Variants in NF2 observed in about 807,000 individuals in gnomAD.
The protein encoded by NF2 is NF2, moesin-ezrin-radixin like (MERLIN) tumor suppressor, also known as merlin.
NF2 carries 8 observed loss-of-function variants against 83.7 expected under a neutral mutation model. That is an observed-to-expected ratio of 0.10 (90% CI 0.06 to 0.17). The LOEUF is 0.17. Ranked by LOEUF, NF2 falls within the 10% of genes least tolerant of loss-of-function variation. The pLI, the probability that NF2 is intolerant of heterozygous loss-of-function variation, is 1.00. For synonymous variants in NF2, 266 were observed against 269.6 expected (o/e 0.99, Z 0.13); for missense variants, 533 against 744.4 (o/e 0.72, Z 3.31).
chr22:29,603,658 C>A lies in NF2; in HGVS notation c.-341C>A, dbSNP rs571842282. On this transcript the variant is annotated 5_prime_UTR_variant, in exon 1 of 16. Transcript: ENST00000338641. ...GTGACCCTAGTCGGCCGCTGAGAGG[C>A]GCGCGGAGTCTGGGCCGCTGCCGTC... is the stretch of plus-strand genomic sequence containing the variant. 18 of 408,834 alleles carry A rather than the reference C, an allele frequency of 4.4e-5. No individual in the cohort carries two copies. Among genetic ancestry groups the A allele is most frequent in the Non-Finnish European group, 7.7e-5 (18 of 232,390 alleles). The allele number at this position is 408,834 out of a possible 1,614,324, so 25.3% of individuals were successfully genotyped here.
intron 1 of NF2, among the ~76,000 whole-genome samples, chr22:29,608,600 C>T (rs544451061): frequency 2.0e-4 from 29 of 147,002 alleles, no homozygotes; most frequent in South Asian, 1.2e-3. Flanking sequence ...ACCCGGGAGG[C>T]GGAGGTTGTA....
chr22:29,611,806 A>G (rs1323716681), intron 1 of NF2, among the ~76,000 whole-genome samples: 5 of 152,248 alleles, frequency 3.3e-5, no homozygotes, highest in Non-Finnish European at 1.5e-5. Flanking sequence ...ATACAAGATC[A>G]TTACACAAAA....
chr22:29,655,569 T>A (rs766420867), intron 5 of NF2, 25 bp from the exon 6 acceptor site: 2 of 1,576,934 alleles, frequency 1.3e-6, no homozygotes, highest in Non-Finnish European at 1.7e-6. Context: ...GTGTAGGTTT[T>A]TTATTTTGCT....
At position 29,626,778 on chromosome 22, in the gene NF2, T is replaced by C. The variant is rs1307062944; in HGVS notation, c.115-9973T>C. Among the ~76,000 whole-genome samples the C allele has an allele frequency of 3.9e-5, 6 of 152,334 alleles. No individual in the cohort carries two copies. The East Asian group carries it at 1.2e-3, about 29-fold the overall frequency. Reference sequence around the variant, plus strand: ...GGGGTTGTGTTTCGTAATCTGCTAGTTGTACTTGATGTTTAGGCATTTGAA... The same window carrying C: ...GGGGTTGTGTTTCGTAATCTGCTAGCTGTACTTGATGTTTAGGCATTTGAA... On this transcript the variant is annotated intron_variant, in intron 1 of 15. Coordinates refer to ENST00000338641, the MANE Select transcript of NF2 (RefSeq NM_000268.4).
At chr22:29,648,070 G>T (rs1408276482) in intron 4 of NF2, among the ~76,000 whole-genome samples, 1 of 151,870 alleles carries the variant, frequency 6.6e-6, no homozygotes, top group Non-Finnish European at 1.5e-5. Flanking sequence ...GGCAGAAGTT[G>T]CAGAGAGCCA....
chr22:29,634,626 C>T (rs952638279), intron 1 of NF2, among the ~76,000 whole-genome samples: 1 of 152,196 alleles, frequency 6.6e-6, no homozygotes, highest in Non-Finnish European at 1.5e-5. Flanking sequence ...TGGGTGTTTA[C>T]CTTTTCCAAG....
Position 29,642,194 on chromosome 22 carries a change from C to T in NF2, c.364-8C>T, listed in dbSNP as rs1601589373. On this transcript the variant is annotated splice_region_variant and splice_polypyrimidine_tract_variant and intron_variant, in intron 3 of 15. Coordinates refer to ENST00000338641, the MANE Select transcript of NF2 (RefSeq NM_000268.4). ...AGAGTATCATGTCTCCCTTGTTGCT[C>T]CTTTCAGGTAAAGAAGCAGATTTTA... 2 of 1,609,034 alleles carry T rather than the reference C, an allele frequency of 1.2e-6. No homozygotes were observed. The highest frequency in any genetic ancestry group is 1.3e-5 in the African/African-American group (1 of 74,962).
intron 8 of NF2, among the ~76,000 whole-genome samples, chr22:29,662,544 C>T (rs2066508608): frequency 6.6e-6 from 1 of 152,212 alleles, no homozygotes; most frequent in Non-Finnish European, 1.5e-5. Context: ...TAACTACTCA[C>T]CTGCTATAAT....
At chr22:29,620,725 C>CA (rs879719181) in intron 1 of NF2, among the ~76,000 whole-genome samples, 194 of 143,130 alleles carry the variant, frequency 1.4e-3, no homozygotes, top group Middle Eastern at 3.6e-3. Context: ...ACTCCGACTC[C>CA]AAAAAAAAAA....
intron 6 of NF2, among the ~76,000 whole-genome samples, chr22:29,656,560 C>T (rs960037863): frequency 2.6e-5 from 4 of 151,760 alleles, no homozygotes; most frequent in Non-Finnish European, 5.9e-5. Flanking sequence ...TACAGGCACC[C>T]GCCACCACGC....
At chr22:29,655,539 C>G (rs2146971303) in intron 5 of NF2, 55 bp from the exon 6 acceptor site, 2 of 1,337,142 alleles carry the variant, frequency 1.5e-6, no homozygotes, top group Non-Finnish European at 2.2e-6. Context: ...AAGTGGCAAA[C>G]AATACCAAAT....
chr22:29,614,907 G>T (rs2065045157), intron 1 of NF2, among the ~76,000 whole-genome samples: 1 of 152,076 alleles, frequency 6.6e-6, no homozygotes, highest in South Asian at 2.1e-4. Flanking sequence ...AATTAGGCTG[G>T]GTGTGGTGGC....
intron 15 of NF2, chr22:29,683,787 C>A: frequency 8.5e-6 from 9 of 1,063,010 alleles, no homozygotes; most frequent in Non-Finnish European, 9.1e-6. Flanking sequence ...GAGGAGCGGT[C>A]ACTGGTTGCT....
chr22:29,665,233 G>T (rs1489219974), intron 9 of NF2, among the ~76,000 whole-genome samples, 169 bp downstream of exon 9: 1 of 129,852 alleles, frequency 7.7e-6, no homozygotes, highest in Non-Finnish European at 1.7e-5. Flanking sequence ...ATATCATGAA[G>T]AAGTTTTTTT....
intron 3 of NF2, 108 bp from the exon 4 acceptor site, chr22:29,642,094 C>T: frequency 1.1e-6 from 1 of 872,296 alleles, no homozygotes; most frequent in Non-Finnish European, 1.9e-6. Flanking sequence ...TATTAACAGG[C>T]TGCTCTGGCA....
chr22:29,630,621 A>G (rs1191436289), intron 1 of NF2, among the ~76,000 whole-genome samples: 1 of 152,162 alleles, frequency 6.6e-6, no homozygotes, highest in Non-Finnish European at 1.5e-5. Flanking sequence ...TGGAGTCCAC[A>G]TTTGTGCTCC....
At chr22:29,648,579 C>T (rs1241392996) in intron 4 of NF2, among the ~76,000 whole-genome samples, 5 of 152,206 alleles carry the variant, frequency 3.3e-5, no homozygotes, top group Non-Finnish European at 7.3e-5. Flanking sequence ...GGAATCTCTG[C>T]ACACACATCC....
At chr22:29,644,246 T>G (rs1601594170) in intron 4 of NF2, among the ~76,000 whole-genome samples, 1 of 137,488 alleles carries the variant, frequency 7.3e-6, no homozygotes, top group Non-Finnish European at 1.6e-5. Flanking sequence ...CCAGACGGGG[T>G]GGCGGCCGGG....
Position 29,696,062 on chromosome 22 carries a change from CTTTCT to C in NF2, c.*1264_*1268del. ...CTTGGTCTGGGGCCACCTTCTTGCCCTTTCTTTTTTTTTTTTTTTTTTTTTTTCCG... is the reference window on the plus strand; with the variant it reads ...CTTGGTCTGGGGCCACCTTCTTGCCCTTTTTTTTTTTTTTTTTTTTTTCCG... On this transcript the variant is annotated 3_prime_UTR_variant, in exon 16 of 16. Coordinates refer to ENST00000338641, the MANE Select transcript of NF2 (RefSeq NM_000268.4). The C allele has an allele frequency of 4.5e-6, 1 of 223,510 alleles. No individual in the cohort carries two copies. Among genetic ancestry groups the C allele is most frequent in the Non-Finnish European group, 8.7e-6 (1 of 114,430 alleles). 13.8% of individuals were successfully genotyped at this position (223,510 alleles called of 1,614,324 possible).
Sources: allele counts gnomAD v4.1 joint callset (sites outside exome capture counted in the v4.1 genomes callset), GRCh38; gene constraint gnomAD v4.1.1; transcripts MANE v1.5; gene names NCBI Gene and HGNC (gene_info 2026-07-23, HGNC 2026-07-21).